The following EXOC4 variants were observed in gnomAD, a reference collection of about 807,000 sequenced individuals.
The protein encoded by EXOC4 is exocyst complex component 4.
A neutral mutation model predicts 107.2 loss-of-function variants in EXOC4; 71 were observed. That is an observed-to-expected ratio of 0.66 (90% CI 0.55 to 0.81). The LOEUF is 0.81. EXOC4 is among the 30% of genes least tolerant of loss of function. EXOC4 has a pLI of 0.00. For synonymous variants in EXOC4, 456 were observed against 441.2 expected (o/e 1.03, Z -0.42); for missense variants, 1,108 against 1,189.6 (o/e 0.93, Z 1.01).
chr7:133,416,656 A>G (rs1197489445), intron 7 of EXOC4, among the ~76,000 whole-genome samples: 1 of 152,206 alleles, frequency 6.6e-6, no homozygotes, highest in Non-Finnish European at 1.5e-5. Flanking sequence ...TGATCGGTCA[A>G]TCTTAGTATT....
chr7:133,372,477 A>T (rs1240934923), intron 6 of EXOC4, among the ~76,000 whole-genome samples: 1 of 152,172 alleles, frequency 6.6e-6, no homozygotes, highest in Non-Finnish European at 1.5e-5. Flanking sequence ...CATTTTATTA[A>T]GAGATTGCTA....
At chr7:133,588,962 ATGTG>A (rs765807599) in intron 9 of EXOC4, among the ~76,000 whole-genome samples, 13 of 151,030 alleles carry the variant, frequency 8.6e-5, no homozygotes, top group Non-Finnish European at 1.9e-4. Context: ...GTGTGCACAT[ATGTG>A]TGTGTGTGTG....
intron 10 of EXOC4, among the ~76,000 whole-genome samples, chr7:133,648,798 C>A (rs978313941): frequency 2.6e-5 from 4 of 152,078 alleles, no homozygotes; most frequent in African/African-American, 4.8e-5. Flanking sequence ...GAAACAGTTG[C>A]CTGAATATTT....
At chr7:133,513,179 T>C (rs192359252) in intron 9 of EXOC4, among the ~76,000 whole-genome samples, 52 of 152,272 alleles carry the variant, frequency 3.4e-4, no homozygotes, top group Non-Finnish European at 2.9e-4. Context: ...TTTTTATTTT[T>C]AAATTTTTAT....
the EXOC4 span, among the ~76,000 whole-genome samples, chr7:134,096,644 G>A: frequency 6.6e-6 from 1 of 152,124 alleles, no homozygotes; most frequent in Non-Finnish European, 1.5e-5. Context: ...ACAAACCACT[G>A]GTTAAGTCCA....
chr7:133,257,927 C>T (rs181384363), intron 1 of EXOC4, among the ~76,000 whole-genome samples: 17 of 152,262 alleles, frequency 1.1e-4, no homozygotes, highest in African/African-American at 3.9e-4. Context: ...GGGCTTTGAA[C>T]GAACAGCTTT....
chr7:133,688,555 G>A (rs755736627), intron 10 of EXOC4, among the ~76,000 whole-genome samples: 1 of 152,066 alleles, frequency 6.6e-6, no homozygotes, highest in Non-Finnish European at 1.5e-5. Flanking sequence ...AAGTATTATG[G>A]GAAGCTTGTG....
At chr7:133,395,167 C>T (rs1584882044) in intron 7 of EXOC4, among the ~76,000 whole-genome samples, 3 of 147,426 alleles carry the variant, frequency 2.0e-5, no homozygotes, top group East Asian at 2.0e-4. Flanking sequence ...TCCATTTACT[C>T]GTGAAAGGGT....
chr7:133,393,760 C>T (rs1796908963), intron 7 of EXOC4, among the ~76,000 whole-genome samples: 1 of 152,160 alleles, frequency 6.6e-6, no homozygotes, highest in Non-Finnish European at 1.5e-5. Context: ...CTTGGACTTC[C>T]CAGCCTCTGG....
intron 2 of EXOC4, among the ~76,000 whole-genome samples, chr7:133,279,211 G>T (rs1040804632): frequency 6.6e-6 from 1 of 152,162 alleles, no homozygotes; most frequent in African/African-American, 2.4e-5. Flanking sequence ...TCTTAATCCA[G>T]ACTATCATTG....
chr7:133,910,355 T>C (rs191605756), intron 12 of EXOC4, among the ~76,000 whole-genome samples: 87 of 152,338 alleles, frequency 5.7e-4, no homozygotes, highest in African/African-American at 2.0e-3. Context: ...GTTACTAAAT[T>C]ATCCCCAAGA....
At chr7:133,429,493 T>C (rs1243096019) in intron 7 of EXOC4, among the ~76,000 whole-genome samples, 1 of 152,184 alleles carries the variant, frequency 6.6e-6, no homozygotes, top group Non-Finnish European at 1.5e-5. Flanking sequence ...CTCAATAGGT[T>C]TTAGTATATT....
chr7:133,385,841 C>T lies in EXOC4; in HGVS notation c.1182+10839C>T, dbSNP rs1455294790. ...CATCTTGACATTTTACTTGAGAATCCGTGATAACTTTCAACTGATTCATTT... is the reference window on the plus strand; with the variant it reads ...CATCTTGACATTTTACTTGAGAATCTGTGATAACTTTCAACTGATTCATTT... On this transcript the variant is annotated intron_variant, in intron 7 of 17. Transcript: ENST00000253861. 2.0e-5 allele frequency among the ~76,000 whole-genome samples: 3 copies of T among 152,102 alleles called. No homozygotes were observed. The East Asian group carries it at 5.8e-4, about 29-fold the overall frequency.
chr7:133,969,091 A>G (rs1489257744), intron 14 of EXOC4, among the ~76,000 whole-genome samples: 2 of 151,716 alleles, frequency 1.3e-5, no homozygotes, highest in Non-Finnish European at 2.9e-5. Context: ...CATTAAGTTG[A>G]TCTTCAGTCT....
chr7:133,824,221 G>A (rs1271560225), intron 11 of EXOC4, among the ~76,000 whole-genome samples: 1 of 151,460 alleles, frequency 6.6e-6, no homozygotes, highest in Non-Finnish European at 1.5e-5. Flanking sequence ...TTCCTACCCC[G>A]GGTCACCTGT....
intron 10 of EXOC4, among the ~76,000 whole-genome samples, chr7:133,747,011 C>T (rs1795690717): frequency 6.6e-6 from 1 of 152,104 alleles, no homozygotes; most frequent in African/African-American, 2.4e-5. Flanking sequence ...CTGGGTAATA[C>T]TAGTAGTACA....
At chr7:133,334,925 G>C (rs1389078586) in intron 5 of EXOC4, among the ~76,000 whole-genome samples, 1 of 152,148 alleles carries the variant, frequency 6.6e-6, no homozygotes, top group African/African-American at 2.4e-5. Flanking sequence ...CGGTGATGTA[G>C]TATTCATGTT....
chr7:133,927,349 A>G (rs937948036), intron 13 of EXOC4, among the ~76,000 whole-genome samples: 2 of 152,230 alleles, frequency 1.3e-5, no homozygotes, highest in African/African-American at 2.4e-5. Flanking sequence ...AGATGCAGAA[A>G]TCTAGCAGAG....
At chr7:133,657,788 A>G (rs985714584) in intron 10 of EXOC4, among the ~76,000 whole-genome samples, 12 of 152,134 alleles carry the variant, frequency 7.9e-5, no homozygotes, top group African/African-American at 2.9e-4. Context: ...CCATGAACCT[A>G]CTGTGGGTCC....
Sources: gnomAD v4.1 joint callset for allele counts (sites outside exome capture counted in the v4.1 genomes callset) on GRCh38, gnomAD v4.1.1 for gene constraint, MANE v1.5 for transcripts, NCBI Gene and HGNC (gene_info 2026-07-23, HGNC 2026-07-21) for gene names.